FHIT: variants seen among roughly 807,000 people sequenced by gnomAD.
The protein encoded by FHIT is fragile histidine triad diadenosine triphosphatase.
Under a neutral mutation model 17.9 loss-of-function variants are expected in FHIT, and 19 were observed. That is an observed-to-expected ratio of 1.06 (90% CI 0.74 to 1.56). The LOEUF is 1.56. FHIT is among the 40% of genes most tolerant of loss of function. The probability of loss-of-function intolerance (pLI) is 0.00; values close to 1 mark genes in which losing one functional copy is unlikely to be tolerated. For synonymous variants in FHIT, 81 were observed against 69.7 expected (o/e 1.16, Z -0.81); for missense variants, 248 against 189.2 (o/e 1.31, Z -1.82).
At chr3:60,699,791 A>G (rs2041199225) in intron 4 of FHIT, among the ~76,000 whole-genome samples, 1 of 138,016 alleles carries the variant, frequency 7.2e-6, no homozygotes, top group South Asian at 2.3e-4. Context: ...ATACACACAC[A>G]CAATGAGAAA....
chr3:59,921,736 A>G (rs1705414625), intron 8 of FHIT, among the ~76,000 whole-genome samples: 1 of 152,244 alleles, frequency 6.6e-6, no homozygotes, highest in South Asian at 2.1e-4. Context: ...TCATGTAGAC[A>G]GGGCTTTAGG....
At chr3:61,131,721 T>C (rs1309358006) in intron 2 of FHIT, among the ~76,000 whole-genome samples, 1 of 152,186 alleles carries the variant, frequency 6.6e-6, no homozygotes, top group Non-Finnish European at 1.5e-5. Context: ...CTGACAATTC[T>C]GAAACTCAAA....
chr3:60,639,120 A>C (rs964847416), intron 4 of FHIT, among the ~76,000 whole-genome samples: 4 of 149,998 alleles, frequency 2.7e-5, no homozygotes, highest in African/African-American at 9.9e-5. Context: ...TCTATAGTTA[A>C]AGCAACTTTG....
chr3:61,210,618 T>C (rs917352234), intron 1 of FHIT, among the ~76,000 whole-genome samples: 2 of 152,226 alleles, frequency 1.3e-5, no homozygotes, highest in Admixed American at 6.5e-5. Flanking sequence ...GTGCGGTATA[T>C]AATCTCCTGG....
chr3:60,501,364 T>A (rs2034518283), intron 5 of FHIT, among the ~76,000 whole-genome samples: 1 of 152,186 alleles, frequency 6.6e-6, no homozygotes, highest in South Asian at 2.1e-4. Context: ...ACTCCCAGAG[T>A]TGCAATACTA....
intron 3 of FHIT, among the ~76,000 whole-genome samples, chr3:60,972,512 A>G (rs1710068026): frequency 6.7e-6 from 1 of 149,246 alleles, no homozygotes; most frequent in African/African-American, 2.4e-5. Flanking sequence ...ATTTGTCTTC[A>G]ATTTTTAAGC....
chr3:60,961,996 T>C (rs1399276623), intron 3 of FHIT, among the ~76,000 whole-genome samples: 9 of 152,352 alleles, frequency 5.9e-5, no homozygotes, highest in South Asian at 2.1e-4. Flanking sequence ...GGGGATGGCG[T>C]TGAATCTATA....
intron 2 of FHIT, among the ~76,000 whole-genome samples, chr3:61,084,569 C>A (rs2035247855): frequency 6.6e-6 from 1 of 152,052 alleles, no homozygotes. Context: ...ATATTCTGTA[C>A]CTTTCTCTGT....
At chr3:60,162,132 G>C (rs556808681) in intron 5 of FHIT, among the ~76,000 whole-genome samples, 1 of 152,248 alleles carries the variant, frequency 6.6e-6, no homozygotes, top group Admixed American at 6.5e-5. Flanking sequence ...GGGGCAGAAT[G>C]ACCTGAAAGG....
chr3:60,113,512 C>T (rs980912717), intron 5 of FHIT, among the ~76,000 whole-genome samples: 1 of 151,798 alleles, frequency 6.6e-6, no homozygotes, highest in Non-Finnish European at 1.5e-5. Flanking sequence ...GCGCCAGTCA[C>T]TGTACCCTAC....
intron 5 of FHIT, among the ~76,000 whole-genome samples, chr3:60,038,396 C>G (rs1701308709): frequency 6.6e-6 from 1 of 152,172 alleles, no homozygotes; most frequent in African/African-American, 2.4e-5. Context: ...ATCTAAGAGT[C>G]TGATAACACC....
At chr3:59,754,897 C>T (rs1701127092) in intron 8 of FHIT, among the ~76,000 whole-genome samples, 1 of 152,080 alleles carries the variant, frequency 6.6e-6, no homozygotes, top group South Asian at 2.1e-4. Context: ...AACAGCGGCA[C>T]TCAACCCTGG....
At chr3:60,471,493 C>A (rs78470241) in intron 5 of FHIT, among the ~76,000 whole-genome samples, 2 of 152,210 alleles carry the variant, frequency 1.3e-5, no homozygotes, top group African/African-American at 4.8e-5. Context: ...CAGGGCAACA[C>A]TGAGTTACAA....
intron 7 of FHIT, among the ~76,000 whole-genome samples, chr3:59,923,234 A>T (rs986654234): frequency 2.7e-5 from 4 of 150,760 alleles, no homozygotes; most frequent in Admixed American, 6.6e-5. Context: ...AAAAAAAAAA[A>T]AAAAAAAAAA....
At position 61,063,168 on chromosome 3, in the gene FHIT, A is replaced by G. The variant is rs538267622; in HGVS notation, c.-163-21069T>C. ...CTACTCGGGAGGCTGAGGCAGGAGA[A>G]TGGTGTAAACCCGGGAGGCAGAGCT... On this transcript the variant is annotated intron_variant, in intron 2 of 9. Transcript: ENST00000492590. Among the ~76,000 whole-genome samples, 7 of 150,516 alleles carry G rather than the reference A, an allele frequency of 4.7e-5. 1 individual carries two copies. In the East Asian group the frequency reaches 9.8e-4, roughly 21 times the overall value.
intron 3 of FHIT, among the ~76,000 whole-genome samples, chr3:60,982,246 C>T (rs936705843): frequency 4.6e-5 from 7 of 152,214 alleles, no homozygotes; most frequent in African/African-American, 1.7e-4. Flanking sequence ...CCTTGCTCTA[C>T]AGGAGACTGT....
chr3:61,185,194 C>T (rs1366233258), intron 2 of FHIT, among the ~76,000 whole-genome samples: 7 of 152,076 alleles, frequency 4.6e-5, no homozygotes, highest in South Asian at 4.1e-4. Flanking sequence ...AGGGTTAAGC[C>T]GGAGCAAAGC....
chr3:59,992,597 T>C (rs1167820023), intron 7 of FHIT, among the ~76,000 whole-genome samples: 1 of 152,090 alleles, frequency 6.6e-6, no homozygotes, highest in Admixed American at 6.6e-5. Flanking sequence ...TAGTATTTCA[T>C]CTTTGAATTC....
At chr3:59,863,872 G>C (rs1575606164) in intron 8 of FHIT, among the ~76,000 whole-genome samples, 1 of 152,180 alleles carries the variant, frequency 6.6e-6, no homozygotes, top group African/African-American at 2.4e-5. Context: ...AGTTTTAAGA[G>C]CCATCAACAA....
Sources: gnomAD v4.1 joint callset for allele counts (sites outside exome capture counted in the v4.1 genomes callset) on GRCh38, gnomAD v4.1.1 for gene constraint, MANE v1.5 for transcripts, NCBI Gene and HGNC (gene_info 2026-07-23, HGNC 2026-07-21) for gene names.